Variants in ZMYM5 observed in about 807,000 individuals in gnomAD.
ZMYM5 encodes zinc finger MYM-type containing 5, also known as zinc finger MYM-type protein 5.
In ZMYM5, 41 loss-of-function variants were observed where a neutral mutation model predicts 61.8. That is an observed-to-expected ratio of 0.66 (90% CI 0.52 to 0.86). The LOEUF is 0.86. Among genes scored for constraint, ZMYM5 ranks in the 40% least tolerant of loss-of-function variants. The pLI is 0.00. For synonymous variants in ZMYM5, 257 were observed against 276.4 expected (o/e 0.93, Z 0.70); for missense variants, 706 against 786.7 (o/e 0.90, Z 1.23).
chr13:19,852,157 T>C lies in ZMYM5; in HGVS notation c.24A>G (p.Gly8=), dbSNP rs768424298. The change falls in exon 3 of 8, where the codon GGA becomes GGG. Residue 8 remains glycine, a synonymous_variant. Transcript: ENST00000337963. ...CAGGAGTCTGTTCAGTCAACTCTAA[T>C]CCTCCCACTGAACATTTTTCCATGC... MEKCSVG[G]LELTEQTPAL... 6.2e-7 allele frequency: 1 copy of C among 1,602,880 alleles called. No individual in the cohort carries two copies. The highest frequency in any genetic ancestry group is 1.1e-5 in the South Asian group (1 of 89,420).
chr13:19,851,924 G>C lies in ZMYM5; in HGVS notation c.257C>G (p.Ser86Ter). The C allele has an allele frequency of 6.2e-7, 1 of 1,612,436 alleles. No individual in the cohort carries two copies. The highest frequency in any genetic ancestry group is 8.5e-7 in the Non-Finnish European group (1 of 1,179,656). The change falls in exon 3 of 8, where the codon TCA (serine) becomes TGA (stop). Residue 86 changes from serine to a stop codon, truncating the protein, a stop_gained. Coordinates refer to ENST00000337963, the MANE Select transcript of ZMYM5 (RefSeq NM_001142684.2). LOFTEE classifies it high-confidence loss of function. Reference sequence around the variant, plus strand: ...TCCTTGAGGCTTTTCATTTTTTGATGATGCAAATATGAAGTTTCTTTGATC... The same window carrying C: ...TCCTTGAGGCTTTTCATTTTTTGATCATGCAAATATGAAGTTTCTTTGATC... ...IADQRNFIFA[S>*]SKNEKPQGNY...
Position 19,824,552 on chromosome 13 carries a change from ATTT to A in ZMYM5, c.1932_1934del (p.Lys644del). On this transcript the variant is annotated inframe_deletion, in exon 8 of 8. Transcript: ENST00000337963. ...TGTGTTCTGCAGCATCAATAGCTTT[ATTT>A]TTTTTCAGATCAGATTTTAATTTTG... 1 of 1,320,784 alleles carries A rather than the reference ATTT, an allele frequency of 7.6e-7. No individual in the cohort carries two copies. The highest frequency in any genetic ancestry group is 2.4e-5 in the Admixed American group (1 of 41,504). The allele number at this position is 1,320,784 out of a possible 1,614,324, so 81.8% of individuals were successfully genotyped here.
chr13:19,832,570 G>T (rs2138500682), intron 7 of ZMYM5, among the ~76,000 whole-genome samples: 1 of 152,100 alleles, frequency 6.6e-6, no homozygotes, highest in Admixed American at 6.5e-5. Flanking sequence ...CAAGTGATCC[G>T]CCCGCCTTGG....
chr13:19,851,613 A>G (rs1953299111), intron 3 of ZMYM5, 76 bp downstream of exon 3: 15 of 1,544,794 alleles, frequency 9.7e-6, no homozygotes, highest in African/African-American at 1.4e-5. Context: ...CCTGTTTCTA[A>G]GGTTGTAACA....
At chr13:19,832,239 T>G (rs1254911495) in intron 7 of ZMYM5, among the ~76,000 whole-genome samples, 2 of 152,146 alleles carry the variant, frequency 1.3e-5, no homozygotes, top group Non-Finnish European at 2.9e-5. Context: ...TTACGCTTTT[T>G]GGAGGATAAG....
At chr13:19,843,125 G>T (rs1012627859) in intron 4 of ZMYM5, among the ~76,000 whole-genome samples, 1 of 143,606 alleles carries the variant, frequency 7.0e-6, no homozygotes, top group South Asian at 2.2e-4. Flanking sequence ...AGATTTAACA[G>T]TTTTTTTTTT....
intron 4 of ZMYM5, chr13:19,841,989 G>A (rs1168316349): frequency 2.0e-5 from 3 of 152,248 alleles, no homozygotes; most frequent in Non-Finnish European, 4.4e-5. Flanking sequence ...GCTAATTTTT[G>A]TATTTTTAGT....
chr13:19,827,660 G>T (rs1172984409), intron 7 of ZMYM5, among the ~76,000 whole-genome samples: 1 of 151,898 alleles, frequency 6.6e-6, no homozygotes, highest in African/African-American at 2.4e-5. Flanking sequence ...GAAATATGTT[G>T]TAATAAAGAC....
At chr13:19,857,423 CAG>C (rs1199674546) in intron 2 of ZMYM5, among the ~76,000 whole-genome samples, 1 of 152,152 alleles carries the variant, frequency 6.6e-6, no homozygotes, top group East Asian at 1.9e-4. Context: ...AGACTACTTT[CAG>C]AGACACTTCA....
intron 2 of ZMYM5, among the ~76,000 whole-genome samples, chr13:19,861,977 C>T (rs1953783315): frequency 6.6e-6 from 1 of 152,090 alleles, no homozygotes; most frequent in Non-Finnish European, 1.5e-5. Context: ...GTTATCTCCT[C>T]GTGTGATGCT....
At position 19,824,311 on chromosome 13, in the gene ZMYM5, G is replaced by C; in HGVS notation, c.*166C>G. Reference sequence around the variant, plus strand: ...TCTAATTAGTTTTAGATTTAGAATGGAAACATTCTTTGCTATTTATTTGCT... The same window carrying C: ...TCTAATTAGTTTTAGATTTAGAATGCAAACATTCTTTGCTATTTATTTGCT... On this transcript the variant is annotated 3_prime_UTR_variant, in exon 8 of 8. Coordinates refer to ENST00000337963, the MANE Select transcript of ZMYM5 (RefSeq NM_001142684.2). 7.9e-6 allele frequency: 3 copies of C among 381,196 alleles called. No homozygotes were observed. Among genetic ancestry groups the C allele is most frequent in the Non-Finnish European group, 1.1e-5 (3 of 268,696 alleles). 23.6% of individuals were successfully genotyped at this position (381,196 alleles called of 1,614,324 possible).
chr13:19,845,117 C>T (rs1953031402), intron 4 of ZMYM5, among the ~76,000 whole-genome samples: 1 of 152,018 alleles, frequency 6.6e-6, no homozygotes, highest in South Asian at 2.1e-4. Context: ...GAAACTACCC[C>T]AAATAACAAA....
chr13:19,862,203 G>C (rs985736626), intron 2 of ZMYM5, among the ~76,000 whole-genome samples, 196 bp downstream of exon 2: 1 of 152,064 alleles, frequency 6.6e-6, no homozygotes, highest in African/African-American at 2.4e-5. Flanking sequence ...AGTTCCAGTG[G>C]TATAAATGTC....
chr13:19,860,676 G>T (rs1953713055), intron 2 of ZMYM5, among the ~76,000 whole-genome samples: 1 of 151,734 alleles, frequency 6.6e-6, no homozygotes, highest in East Asian at 1.9e-4. Context: ...GACCTCAGGT[G>T]ATCCACCCAC....
At chr13:19,841,328 G>T (rs912925801) in intron 4 of ZMYM5, among the ~76,000 whole-genome samples, 2 of 152,104 alleles carry the variant, frequency 1.3e-5, no homozygotes, top group African/African-American at 4.8e-5. Flanking sequence ...TAATCCATAG[G>T]TTGGAAGGGG....
At chr13:19,849,425 A>G (rs946770323) in intron 4 of ZMYM5, among the ~76,000 whole-genome samples, 2 of 152,164 alleles carry the variant, frequency 1.3e-5, no homozygotes, top group South Asian at 2.1e-4. Context: ...CACCCAGCCT[A>G]TATTTTTATG....
At chr13:19,854,303 C>T (rs886337098) in intron 2 of ZMYM5, among the ~76,000 whole-genome samples, 1 of 152,134 alleles carries the variant, frequency 6.6e-6, no homozygotes, top group East Asian at 1.9e-4. Context: ...CCACTGCGCC[C>T]GGCCAAAATA....
intron 2 of ZMYM5, among the ~76,000 whole-genome samples, chr13:19,857,330 C>A (rs937549274): frequency 1.3e-5 from 2 of 152,064 alleles, no homozygotes; most frequent in East Asian, 3.9e-4. Context: ...GTAAATTTAA[C>A]GGGATATTTA....
intron 7 of ZMYM5, among the ~76,000 whole-genome samples, chr13:19,831,925 G>A (rs1358034576): frequency 2.0e-5 from 3 of 150,758 alleles, no homozygotes; most frequent in Admixed American, 6.6e-5. Flanking sequence ...GCGTGATCTC[G>A]GCTCACTGCA....
Sources: allele counts gnomAD v4.1 joint callset (sites outside exome capture counted in the v4.1 genomes callset), GRCh38; gene constraint gnomAD v4.1.1; transcripts MANE v1.5; gene names NCBI Gene and HGNC (gene_info 2026-07-23, HGNC 2026-07-21).